MAPK10: variants seen among roughly 807,000 people sequenced by gnomAD.
The protein encoded by MAPK10 is JNK3 alpha protein kinase.
A neutral mutation model predicts 59.3 loss-of-function variants in MAPK10; 25 were observed. The ratio of observed to expected loss-of-function variants is 0.42; its 90% CI spans 0.31 to 0.59. The LOEUF is 0.59. Among genes scored for constraint, MAPK10 ranks in the 20% least tolerant of loss-of-function variants. The probability of loss-of-function intolerance (pLI) is 0.15; values close to 1 mark genes in which losing one functional copy is unlikely to be tolerated. For synonymous variants in MAPK10, 190 were observed against 200.5 expected (o/e 0.95, Z 0.44); for missense variants, 351 against 568.9 (o/e 0.62, Z 3.90).
intron 1 of MAPK10, among the ~76,000 whole-genome samples, chr4:86,552,348 G>A (rs934465005): frequency 6.6e-6 from 1 of 151,572 alleles, no homozygotes; most frequent in Non-Finnish European, 1.5e-5. Flanking sequence ...TTGAGCCCAG[G>A]AGGTGCAGGC....
At chr4:86,086,196 T>G (rs903907619) in intron 9 of MAPK10, among the ~76,000 whole-genome samples, 1 of 151,904 alleles carries the variant, frequency 6.6e-6, no homozygotes, top group Non-Finnish European at 1.5e-5. Flanking sequence ...ATTTAAAAAA[T>G]CAAAACAATT....
intron 1 of MAPK10, among the ~76,000 whole-genome samples, chr4:86,440,019 A>G (rs1245735817): frequency 6.6e-6 from 1 of 152,198 alleles, no homozygotes; most frequent in Non-Finnish European, 1.5e-5. Context: ...TGTAAAGCTG[A>G]GTGGGAATAC....
chr4:86,532,374 ATTTTCT>A, intron 1 of MAPK10, among the ~76,000 whole-genome samples: 1 of 152,248 alleles, frequency 6.6e-6, no homozygotes, highest in Non-Finnish European at 1.5e-5. Flanking sequence ...AAAGATAAAC[ATTTTCT>A]ACTGATGTCT....
intron 2 of MAPK10, among the ~76,000 whole-genome samples, chr4:86,319,295 C>T (rs1481215236): frequency 6.6e-6 from 1 of 152,038 alleles, no homozygotes; most frequent in Non-Finnish European, 1.5e-5. Flanking sequence ...TGAAGAAGAA[C>T]AGAACAGGAA....
At chr4:86,023,365 T>C (rs1203498977) in intron 13 of MAPK10, among the ~76,000 whole-genome samples, 1 of 152,186 alleles carries the variant, frequency 6.6e-6, no homozygotes, top group African/African-American at 2.4e-5. Flanking sequence ...AATCAGAACA[T>C]GTAAATTTCC....
intron 3 of MAPK10, among the ~76,000 whole-genome samples, chr4:86,176,983 GAGTC>G (rs1345299446): frequency 3.3e-5 from 5 of 152,190 alleles, no homozygotes; most frequent in South Asian, 2.1e-4. Flanking sequence ...GTAGAAGAAA[GAGTC>G]AGGTTTCCTT....
At position 86,064,282 on chromosome 4, in the gene MAPK10, G is replaced by A; in HGVS notation, c.1094C>T (p.Pro365Leu). ...ATTTCTTACCGCCTCCACTTCGGCT[G>A]GGTCATACCAGACGTTGATGTAGGG... Reference protein sequence around the residue: ...QHPYINVWYDPAEVEAPPPQI... With the variant: ...QHPYINVWYDLAEVEAPPPQI... Residue 365 changes from proline to leucine, a missense_variant, in exon 11 of 14, where the codon CCA becomes CTA. By Grantham distance (98) the Pro-to-Leu change is moderately conservative. Transcript: ENST00000641462. 1 of 1,614,094 alleles carries A rather than the reference G, an allele frequency of 6.2e-7. No individual in the cohort carries two copies. The highest frequency in any genetic ancestry group is 8.5e-7 in the Non-Finnish European group (1 of 1,180,000).
chr4:86,362,677 T>A (rs2148985981), upstream of MAPK10, among the ~76,000 whole-genome samples: 1 of 152,142 alleles, frequency 6.6e-6, no homozygotes. Context: ...AAATGGCCAA[T>A]AAGCATATGA....
intron 1 of MAPK10, among the ~76,000 whole-genome samples, chr4:86,412,844 A>G (rs1271139944): frequency 6.6e-6 from 1 of 152,166 alleles, no homozygotes; most frequent in Non-Finnish European, 1.5e-5. Context: ...GATGGGTTAG[A>G]ACATGCTCCT....
intron 13 of MAPK10, chr4:86,028,379 T>C (rs1751403119): frequency 6.6e-6 from 1 of 151,648 alleles, no homozygotes; most frequent in Admixed American, 6.6e-5. Context: ...TGGTTTGGGG[T>C]GTAAATTAGT....
intron 11 of MAPK10, among the ~76,000 whole-genome samples, chr4:86,050,137 G>A (rs2043242805): frequency 6.6e-6 from 1 of 151,866 alleles, no homozygotes; most frequent in South Asian, 2.1e-4. Context: ...ATTTCACTTG[G>A]TAACTCTTGC....
chr4:86,457,775 C>A (rs1046694404), upstream of MAPK10, among the ~76,000 whole-genome samples: 1 of 151,922 alleles, frequency 6.6e-6, no homozygotes, highest in Admixed American at 6.5e-5. Context: ...ATCAAAATAC[C>A]ACCATCATTC....
chr4:86,128,898 A>G (rs545641351), intron 4 of MAPK10, among the ~76,000 whole-genome samples: 2 of 152,216 alleles, frequency 1.3e-5, no homozygotes, highest in South Asian at 4.1e-4. Flanking sequence ...ATTAAAGCAA[A>G]AACTAAATAT....
intron 1 of MAPK10, among the ~76,000 whole-genome samples, chr4:86,526,629 T>C (rs1321478842): frequency 6.6e-6 from 1 of 152,184 alleles, no homozygotes; most frequent in African/African-American, 2.4e-5. Context: ...TTTAGGTTAG[T>C]TTTTTTCTAG....
chr4:86,424,009 TG>T (rs1746929997), intron 1 of MAPK10, among the ~76,000 whole-genome samples: 1 of 151,908 alleles, frequency 6.6e-6, no homozygotes, highest in African/African-American at 2.4e-5. Flanking sequence ...AAGAAGTGCC[TG>T]TAAGAGATCA....
intron 1 of MAPK10, among the ~76,000 whole-genome samples, chr4:86,437,847 C>A (rs941874215): frequency 1.3e-5 from 2 of 151,994 alleles, no homozygotes; most frequent in African/African-American, 4.8e-5. Flanking sequence ...ACATAATTGC[C>A]CCTCAAAAGT....
intron 11 of MAPK10, among the ~76,000 whole-genome samples, chr4:86,059,800 A>G (rs17011349): frequency 0.012 from 1,777 of 152,184 alleles, 29 homozygotes; most frequent in African/African-American, 0.04. Flanking sequence ...TCTGTGGTCT[A>G]CATTATAGCT....
At chr4:86,411,243 T>A (rs548554726) in intron 1 of MAPK10, among the ~76,000 whole-genome samples, 1 of 152,354 alleles carries the variant, frequency 6.6e-6, no homozygotes, top group South Asian at 2.1e-4. Flanking sequence ...AATTCTAATT[T>A]GATTGCACTG....
At chr4:86,534,495 CT>C (rs1215794692) in intron 1 of MAPK10, among the ~76,000 whole-genome samples, 1 of 151,940 alleles carries the variant, frequency 6.6e-6, no homozygotes, top group Admixed American at 6.6e-5. Context: ...CCAATGTTGC[CT>C]TTTAGTTTTA....
Sources: gnomAD v4.1 joint callset for allele counts (sites outside exome capture counted in the v4.1 genomes callset) on GRCh38, gnomAD v4.1.1 for gene constraint, MANE v1.5 for transcripts, NCBI Gene and HGNC (gene_info 2026-07-23, HGNC 2026-07-21) for gene names.